Variants in SPATA9 observed in about 807,000 individuals in gnomAD.
The protein encoded by SPATA9 is spermatogenesis associated 9, also known as spermatogenesis-associated protein 9.
Under a neutral mutation model 25.5 loss-of-function variants are expected in SPATA9, and 27 were observed. The ratio of observed to expected loss-of-function variants is 1.06; its 90% CI spans 0.78 to 1.46. The LOEUF is 1.46. Ranked by LOEUF, SPATA9 falls within the 40% of genes most tolerant of loss-of-function variation. SPATA9 has a pLI of 0.00. For synonymous variants in SPATA9, 102 were observed against 105.7 expected (o/e 0.97, Z 0.21); for missense variants, 282 against 297.5 (o/e 0.95, Z 0.38).
At chr5:95,688,005 T>C (rs778239193) in intron 1 of SPATA9, among the ~76,000 whole-genome samples, 1 of 152,150 alleles carries the variant, frequency 6.6e-6, no homozygotes, top group African/African-American at 2.4e-5. Context: ...GACAACAGTA[T>C]GGAGATTTTG....
At chr5:95,674,688 G>A in intron 3 of SPATA9, 1 of 450,598 alleles carries the variant, frequency 2.2e-6, no homozygotes, top group Admixed American at 2.4e-5. Flanking sequence ...TTGAATACCT[G>A]TATCCAGCCA....
the SPATA9 span, among the ~76,000 whole-genome samples, chr5:95,723,865 T>G: frequency 6.6e-6 from 1 of 152,154 alleles, no homozygotes; most frequent in African/African-American, 2.4e-5. Flanking sequence ...GTCTCTGAAC[T>G]TTTTTGACCG....
At chr5:95,656,094 ATTAC>A, downstream of SPATA9, 1 of 1,613,764 alleles carries the variant, frequency 6.2e-7, no homozygotes, top group Non-Finnish European at 8.5e-7. Flanking sequence ...TAAATACAAA[ATTAC>A]TTTGGCAACA....
chr5:95,707,441 C>G, the SPATA9 span, among the ~76,000 whole-genome samples: 5 of 151,414 alleles, frequency 3.3e-5, no homozygotes, highest in East Asian at 1.9e-4. Flanking sequence ...CTCTCGGCCC[C>G]GAGGAAGGGG....
At chr5:95,731,849 G>T in the SPATA9 span, 1 of 1,608,312 alleles carries the variant, frequency 6.2e-7, no homozygotes, top group African/African-American at 1.3e-5. Flanking sequence ...CGCCCCCTCT[G>T]TCCGTGCAGG....
At chr5:95,677,635 A>G (rs554482338) in intron 2 of SPATA9, among the ~76,000 whole-genome samples, 1 of 152,316 alleles carries the variant, frequency 6.6e-6, no homozygotes, top group East Asian at 1.9e-4. Flanking sequence ...ATAACCAACA[A>G]CAACAAAAAA....
At chr5:95,678,944 G>T (rs938771012) in intron 2 of SPATA9, among the ~76,000 whole-genome samples, 10 of 152,188 alleles carry the variant, frequency 6.6e-5, no homozygotes, top group Admixed American at 2.0e-4. Context: ...TTTTGAAAAT[G>T]AGAAATAAAG....
intron 1 of SPATA9, among the ~76,000 whole-genome samples, chr5:95,695,308 ACAC>A (rs1391752747): frequency 6.6e-6 from 1 of 152,204 alleles, no homozygotes; most frequent in Non-Finnish European, 1.5e-5. Flanking sequence ...AGTCTTAAAA[ACAC>A]GTTTGGCCAG....
the SPATA9 span, chr5:95,730,932 A>T: frequency 2.4e-5 from 11 of 462,084 alleles, no homozygotes; most frequent in East Asian, 7.0e-5. Context: ...GAGGGGGGGA[A>T]ATCGGGTTGC....
At chr5:95,698,952 G>C (rs2112714748), upstream of SPATA9, among the ~76,000 whole-genome samples, 1 of 152,248 alleles carries the variant, frequency 6.6e-6, no homozygotes, top group South Asian at 2.1e-4. Flanking sequence ...ATCTCCCTGA[G>C]ATTTGAAAGG....
the SPATA9 span, among the ~76,000 whole-genome samples, chr5:95,709,320 A>C: frequency 6.6e-6 from 1 of 152,246 alleles, no homozygotes; most frequent in African/African-American, 2.4e-5. Context: ...TAGCTTAGGC[A>C]AGATAGGTGG....
intron 1 of SPATA9, among the ~76,000 whole-genome samples, chr5:95,691,098 A>G (rs1309176264): frequency 6.6e-6 from 1 of 151,896 alleles, no homozygotes; most frequent in Non-Finnish European, 1.5e-5. Flanking sequence ...CGCCTGTAGT[A>G]CCAGCTACTT....
At chr5:95,654,260 A>C, downstream of SPATA9, 4 of 1,609,964 alleles carry the variant, frequency 2.5e-6, no homozygotes, top group Admixed American at 5.0e-5. Context: ...TTTCATTTGT[A>C]AAACTTTAAA....
intron 1 of SPATA9, among the ~76,000 whole-genome samples, chr5:95,696,638 A>G (rs1754029847): frequency 6.6e-6 from 1 of 152,188 alleles, no homozygotes; most frequent in South Asian, 2.1e-4. Context: ...GCACTTTGGG[A>G]GCTCGAGGCA....
At chr5:95,656,352 AC>A (rs1278339067), downstream of SPATA9, 3 of 1,474,220 alleles carry the variant, frequency 2.0e-6, no homozygotes, top group African/African-American at 4.2e-5. Context: ...ATGCTTGAAA[AC>A]ATTTTTAGAA....
chr5:95,705,479 C>T, the SPATA9 span, among the ~76,000 whole-genome samples: 1 of 152,066 alleles, frequency 6.6e-6, no homozygotes, highest in Admixed American at 6.5e-5. Context: ...TTAATCACAA[C>T]AAAAAGTTCT....
chr5:95,731,376 G>C, the SPATA9 span: 1 of 1,157,968 alleles, frequency 8.6e-7, no homozygotes, highest in Non-Finnish European at 1.1e-6. Flanking sequence ...GCGCGGCGGA[G>C]AGGGGACTGC....
intron 3 of SPATA9, among the ~76,000 whole-genome samples, chr5:95,665,242 G>C (rs1323120691): frequency 6.6e-6 from 1 of 152,124 alleles, no homozygotes; most frequent in Non-Finnish European, 1.5e-5. Context: ...TAGCTATTTT[G>C]TAATACATAA....
chr5:95,724,547 G>T, the SPATA9 span, among the ~76,000 whole-genome samples: 1 of 152,130 alleles, frequency 6.6e-6, no homozygotes. Context: ...AGACCCTGGG[G>T]CCAATTGTCT....
Sources: allele counts gnomAD v4.1 joint callset (sites outside exome capture counted in the v4.1 genomes callset), GRCh38; gene constraint gnomAD v4.1.1; transcripts MANE v1.5; gene names NCBI Gene and HGNC (gene_info 2026-07-23, HGNC 2026-07-21).